Variants in ATG5 observed in about 807,000 individuals in gnomAD.
ATG5 encodes the protein autophagy related 5, also known as autophagy protein 5.
Under a neutral mutation model 36.5 loss-of-function variants are expected in ATG5, and 14 were observed. That is an observed-to-expected ratio of 0.38 (90% CI 0.25 to 0.60). The LOEUF (loss-of-function observed/expected upper bound fraction) is 0.60. Ranked by LOEUF, ATG5 falls within the 20% of genes least tolerant of loss-of-function variation. The pLI, the probability that ATG5 is intolerant of heterozygous loss-of-function variation, is 0.60. For synonymous variants in ATG5, 95 were observed against 101.5 expected, an observed-to-expected ratio of 0.94 and a Z score of 0.38; for missense variants, 195 against 326.7, an observed-to-expected ratio of 0.60 and a Z score of 3.11.
chr6:106,254,733 C>A (rs1383308229), intron 5 of ATG5, among the ~76,000 whole-genome samples: 1 of 152,178 alleles, frequency 6.6e-6, no homozygotes, highest in East Asian at 1.9e-4. Flanking sequence ...CAAGAGAAGG[C>A]ACTGAGCTTC....
At chr6:106,257,095 T>C (rs1047569201) in intron 5 of ATG5, among the ~76,000 whole-genome samples, 27 of 152,174 alleles carry the variant, frequency 1.8e-4, no homozygotes, top group African/African-American at 6.5e-4. Flanking sequence ...CACATTAGCC[T>C]AGGCCTACAA....
At chr6:106,269,369 CT>C (rs750148962) in intron 5 of ATG5, among the ~76,000 whole-genome samples, 53 of 150,540 alleles carry the variant, frequency 3.5e-4, no homozygotes, top group Admixed American at 1.5e-3. Context: ...ACCGGGGCTG[CT>C]GGTGGAGCTG....
At chr6:106,187,225 A>T (rs1309128533) in intron 7 of ATG5, among the ~76,000 whole-genome samples, 2 of 152,198 alleles carry the variant, frequency 1.3e-5, no homozygotes, top group African/African-American at 2.4e-5. Context: ...TTTGAATAAC[A>T]GTTAAAATTT....
At chr6:106,260,469 T>G (rs1221889371) in intron 5 of ATG5, among the ~76,000 whole-genome samples, 1 of 152,226 alleles carries the variant, frequency 6.6e-6, no homozygotes, top group Non-Finnish European at 1.5e-5. Flanking sequence ...AAAGGGATAC[T>G]GTGCGAAGAA....
chr6:106,250,353 C>T (rs1421151844), intron 5 of ATG5, among the ~76,000 whole-genome samples: 35 of 152,160 alleles, frequency 2.3e-4, no homozygotes, highest in East Asian at 3.8e-4. Context: ...AAGGAAGACT[C>T]GCAGTATATT....
chr6:106,272,509 T>C (rs1192747837), intron 5 of ATG5, among the ~76,000 whole-genome samples: 1 of 152,214 alleles, frequency 6.6e-6, no homozygotes, highest in Non-Finnish European at 1.5e-5. Flanking sequence ...GCCCAGATCA[T>C]TCCCTCAGCC....
At chr6:106,285,443 T>C (rs1023501203) in intron 4 of ATG5, among the ~76,000 whole-genome samples, 1 of 152,202 alleles carries the variant, frequency 6.6e-6, no homozygotes, top group African/African-American at 2.4e-5. Flanking sequence ...ACTGTGAATA[T>C]GTTGTAAGGA....
chr6:106,271,624 G>C (rs1235906717), intron 5 of ATG5: 1 of 152,124 alleles, frequency 6.6e-6, no homozygotes, highest in Non-Finnish European at 1.5e-5. Flanking sequence ...TTTCAAAATA[G>C]TATAAACGAA....
At chr6:106,190,109 C>CA (rs2114307731) in intron 7 of ATG5, among the ~76,000 whole-genome samples, 2 of 152,254 alleles carry the variant, frequency 1.3e-5, no homozygotes, top group South Asian at 4.1e-4. Context: ...TCAAATTTAT[C>CA]AACTATCCCA....
chr6:106,206,102 T>G (rs889707105), intron 6 of ATG5, among the ~76,000 whole-genome samples: 3 of 152,156 alleles, frequency 2.0e-5, no homozygotes, highest in African/African-American at 7.2e-5. Context: ...CCAAAATTCA[T>G]GCTGAAACCT....
intron 6 of ATG5, among the ~76,000 whole-genome samples, chr6:106,232,531 T>G (rs1777732395): frequency 6.6e-6 from 1 of 152,052 alleles, no homozygotes; most frequent in Non-Finnish European, 1.5e-5. Context: ...GAGCAAAGAA[T>G]GCCCGTCCTG....
chr6:106,202,086 T>C lies in ATG5; in HGVS notation c.577A>G (p.Thr193Ala), dbSNP rs1452647914. 1 of 1,612,846 alleles carries C rather than the reference T, an allele frequency of 6.2e-7. No individual in the cohort carries two copies. The highest frequency in any genetic ancestry group is 1.7e-5 in the Admixed American group (1 of 59,868). Residue 193 changes from threonine to alanine, a missense_variant, in exon 7 of 8, where the codon ACG becomes GCG. Physicochemically the swap from Thr to Ala is moderately conservative, Grantham distance 58 (BLOSUM62 0). Coordinates refer to ENST00000369076, the MANE Select transcript of ATG5 (RefSeq NM_004849.4). The part of the protein sequence containing the change: ...RYIPFRIYQT[T>A]TERPFIQKLF... ...TTCTGAATGAAAGGTCTTTCAGTCG[T>C]TGTCTATTTGAAAAAGGAAAAAATG... is the stretch of plus-strand genomic sequence containing the variant.
chr6:106,234,626 A>G (rs1777821522), intron 6 of ATG5, among the ~76,000 whole-genome samples: 1 of 152,154 alleles, frequency 6.6e-6, no homozygotes, highest in Non-Finnish European at 1.5e-5. Context: ...TTCAGAATCT[A>G]TGTGCTTCCT....
intron 6 of ATG5, among the ~76,000 whole-genome samples, chr6:106,213,256 T>A (rs1010439269): frequency 2.0e-5 from 3 of 152,220 alleles, no homozygotes; most frequent in African/African-American, 7.2e-5. Context: ...TACAGTGTTA[T>A]GTGATAACAG....
chr6:106,298,320 G>A (rs112376899), intron 3 of ATG5, among the ~76,000 whole-genome samples: 3,179 of 152,034 alleles, frequency 0.021, 99 homozygotes, highest in African/African-American at 0.073. Flanking sequence ...GGTAAATGAC[G>A]ACAACTCCTT....
intron 5 of ATG5, among the ~76,000 whole-genome samples, chr6:106,249,570 C>T (rs146510684): frequency 2.0e-5 from 3 of 152,264 alleles, no homozygotes; most frequent in Admixed American, 6.5e-5. Context: ...AACACATTTT[C>T]GTGTGGACAT....
At chr6:106,249,272 C>A (rs944721028) in intron 5 of ATG5, among the ~76,000 whole-genome samples, 1 of 152,166 alleles carries the variant, frequency 6.6e-6, no homozygotes, top group Non-Finnish European at 1.5e-5. Flanking sequence ...CCCCTTGCCC[C>A]AGCCCCTGAA....
chr6:106,243,571 T>C (rs1318704321), intron 6 of ATG5, among the ~76,000 whole-genome samples: 1 of 148,828 alleles, frequency 6.7e-6, no homozygotes, highest in Non-Finnish European at 1.5e-5. Flanking sequence ...TGGCTCACAC[T>C]TGTAATTCCA....
At chr6:106,316,480 AT>A (rs1453083735) in intron 1 of ATG5, among the ~76,000 whole-genome samples, 6 of 152,182 alleles carry the variant, frequency 3.9e-5, no homozygotes, top group Non-Finnish European at 8.8e-5. Context: ...TCAGATCAAA[AT>A]TACATATGCC....
Sources: gnomAD v4.1 joint callset for allele counts (sites outside exome capture counted in the v4.1 genomes callset) on GRCh38, gnomAD v4.1.1 for gene constraint, MANE v1.5 for transcripts, NCBI Gene and HGNC (gene_info 2026-07-23, HGNC 2026-07-21) for gene names.